The following MYT1L variants were observed in gnomAD, a reference collection of about 807,000 sequenced individuals.
MYT1L encodes the protein myelin transcription factor 1-like protein.
MYT1L carries 12 observed loss-of-function variants against 126.7 expected under a neutral mutation model. The observed-to-expected ratio is 0.09, with a 90% CI of 0.06 to 0.15. The LOEUF is 0.15. MYT1L is among the 10% of genes least tolerant of loss of function. MYT1L has a pLI of 1.00. For missense variants in MYT1L, 979 were observed against 1,585.2 expected (o/e 0.62, Z 6.49); for synonymous variants, 541 against 604.2 (o/e 0.90, Z 1.53).
intron 1 of MYT1L, among the ~76,000 whole-genome samples, chr2:2,295,753 GACAGAC>G (rs2095679457): frequency 1.1e-5 from 1 of 90,678 alleles, no homozygotes; most frequent in African/African-American, 3.4e-5. Context: ...GAGAGAGAGA[GACAGAC>G]AGACAGACAG....
chr2:1,904,616 C>G (rs1449002712), intron 13 of MYT1L, among the ~76,000 whole-genome samples: 1 of 151,526 alleles, frequency 6.6e-6, no homozygotes, highest in Non-Finnish European at 1.5e-5. Context: ...AGTTATCCAC[C>G]CACCTTGGCC....
At position 2,275,202 on chromosome 2, in the gene MYT1L, ATGTGTGTGTGTG is replaced by A. The variant is rs10522538; in HGVS notation, c.-421+9190_-421+9201del. 2.7e-3 allele frequency among the ~76,000 whole-genome samples: 373 copies of A among 139,542 alleles called. 1 individual carries two copies. Among genetic ancestry groups the A allele is most frequent in the African/African-American group, 9.0e-3 (332 of 37,092 alleles). 91.5% of individuals were successfully genotyped at this position (139,542 alleles called of 152,430 possible). A position where few individuals can be genotyped will look rare whatever the true frequency, so the allele number is the denominator to read the frequency against. ...AATTTCAAGAAAATATAATAATAAA[ATGTGTGTGTGTG>A]TGTGTGTGTGTGTGTGTGTGTGTGT... is the stretch of plus-strand genomic sequence containing the variant. On this transcript the variant is annotated intron_variant, in intron 2 of 24. Transcript: ENST00000647738.
intron 21 of MYT1L, among the ~76,000 whole-genome samples, chr2:1,823,431 G>A (rs961306202): frequency 1.4e-4 from 21 of 152,222 alleles, no homozygotes; most frequent in African/African-American, 4.3e-4. Flanking sequence ...TCAGGGCTTC[G>A]GCTCCGGGGT....
At chr2:2,005,311 CCTT>C (rs1309647890) in intron 4 of MYT1L, among the ~76,000 whole-genome samples, 1 of 137,628 alleles carries the variant, frequency 7.3e-6, no homozygotes, top group Non-Finnish European at 1.5e-5. Context: ...TTCCTGCGTG[CCTT>C]CTTTCCTGCG....
chr2:2,246,662 A>G (rs560903312), intron 2 of MYT1L, among the ~76,000 whole-genome samples: 4 of 152,196 alleles, frequency 2.6e-5, no homozygotes, highest in Non-Finnish European at 5.9e-5. Flanking sequence ...GTAATTCACA[A>G]TGCCTAAGTG....
At chr2:2,071,176 C>A (rs997175501) in intron 3 of MYT1L, among the ~76,000 whole-genome samples, 1 of 152,150 alleles carries the variant, frequency 6.6e-6, no homozygotes, top group Admixed American at 6.5e-5. Context: ...TCCTGACTAA[C>A]TGGGGAAAAG....
At chr2:2,202,844 C>T (rs12613591) in intron 2 of MYT1L, among the ~76,000 whole-genome samples, 6,176 of 152,238 alleles carry the variant, frequency 0.041, 159 homozygotes, top group East Asian at 0.081. Context: ...GACCAATATC[C>T]TTGATGAACA....
intron 3 of MYT1L, among the ~76,000 whole-genome samples, chr2:2,089,299 A>G (rs1032300185): frequency 1.3e-5 from 2 of 152,218 alleles, no homozygotes; most frequent in African/African-American, 4.8e-5. Context: ...CTGCACCGCC[A>G]CCCTTCAGGA....
At chr2:2,216,605 C>G (rs1208836149) in intron 2 of MYT1L, among the ~76,000 whole-genome samples, 1 of 151,926 alleles carries the variant, frequency 6.6e-6, no homozygotes, top group Admixed American at 6.6e-5. Context: ...CCTTAAGCAA[C>G]TAGAAAGAGA....
chr2:2,292,422 G>C (rs990991215), intron 1 of MYT1L, among the ~76,000 whole-genome samples: 1 of 152,182 alleles, frequency 6.6e-6, no homozygotes, highest in Non-Finnish European at 1.5e-5. Flanking sequence ...AAGAACTGTT[G>C]GGAAAATTCC....
intron 3 of MYT1L, among the ~76,000 whole-genome samples, chr2:2,055,615 G>C (rs1395327485): frequency 6.6e-6 from 1 of 151,962 alleles, no homozygotes; most frequent in East Asian, 1.9e-4. Context: ...CTCACCATTT[G>C]AAAGACAAAA....
chr2:1,821,844 G>A (rs898579088), intron 21 of MYT1L, among the ~76,000 whole-genome samples: 4 of 152,162 alleles, frequency 2.6e-5, no homozygotes, highest in African/African-American at 9.7e-5. Context: ...CTCACTTGAC[G>A]TTCCCATCTT....
intron 2 of MYT1L, among the ~76,000 whole-genome samples, chr2:2,188,551 C>T (rs1190207818): frequency 6.6e-6 from 1 of 152,146 alleles, no homozygotes; most frequent in Non-Finnish European, 1.5e-5. Context: ...AAAATAAGTC[C>T]TGATCTGTGT....
chr2:1,934,702 C>T (rs1334696021), intron 9 of MYT1L, among the ~76,000 whole-genome samples: 1 of 149,510 alleles, frequency 6.7e-6, no homozygotes, highest in Admixed American at 6.7e-5. Context: ...TCTCTCTCTT[C>T]CCCCTACCCC....
intron 2 of MYT1L, among the ~76,000 whole-genome samples, chr2:2,210,234 A>C: frequency 6.6e-6 from 1 of 152,078 alleles, no homozygotes; most frequent in South Asian, 2.1e-4. Flanking sequence ...TGCTGCGCAG[A>C]GGCTTTTTTA....
chr2:2,033,090 G>T (rs548400738), intron 4 of MYT1L, among the ~76,000 whole-genome samples: 1 of 133,266 alleles, frequency 7.5e-6, no homozygotes, highest in East Asian at 2.3e-4. Flanking sequence ...CTGTGGCCCA[G>T]AGCAGATTCT....
rs2052975031 is a variant in MYT1L, at chr2:1,917,244, G to A, written c.1579C>T (p.Leu527=). The A allele has an allele frequency of 6.2e-7, 1 of 1,613,838 alleles. No homozygotes were observed. The stretch of plus-strand genomic sequence containing the variant: ...CTATCTTTGTGCGGGCATCCGGACA[G>A]GCTGCGGTGATGTGGGTACAGCCCA... ...VTGLYPHHRS[L]SGCPHKDRVP... is the part of the protein sequence containing the mutation. Residue 527 remains leucine, a synonymous_variant, in exon 11 of 25, where the codon CTG becomes TTG. Transcript: ENST00000647738. The surrounding 1 kb of genome is among the most constrained non-coding windows in gnomAD (Gnocchi z 5.9).
At chr2:1,868,971 G>A (rs766822812) in intron 18 of MYT1L, among the ~76,000 whole-genome samples, 1 of 152,242 alleles carries the variant, frequency 6.6e-6, no homozygotes, top group Non-Finnish European at 1.5e-5. Flanking sequence ...CCTCAGCAGA[G>A]ATAAGGATAT....
At chr2:2,217,065 C>T (rs903814068) in intron 2 of MYT1L, among the ~76,000 whole-genome samples, 50 of 152,136 alleles carry the variant, frequency 3.3e-4, no homozygotes, top group African/African-American at 1.1e-3. Flanking sequence ...CTTCAGGTCT[C>T]GATACTTCAG....
Sources: allele counts gnomAD v4.1 joint callset (sites outside exome capture counted in the v4.1 genomes callset), GRCh38; gene constraint gnomAD v4.1.1; non-coding constraint Gnocchi (gnomAD v3.1); transcripts MANE v1.5; gene names NCBI Gene and HGNC (gene_info 2026-07-23, HGNC 2026-07-21).